PRDM16: variants seen among roughly 807,000 people sequenced by gnomAD.
The protein encoded by PRDM16 is PR/SET domain 16.
Under a neutral mutation model 110.6 loss-of-function variants are expected in PRDM16, and 23 were observed. The ratio of observed to expected loss-of-function variants is 0.21; its 90% CI spans 0.15 to 0.29. PRDM16 has a LOEUF of 0.29. Among genes scored for constraint, PRDM16 ranks in the 10% least tolerant of loss-of-function variants. The pLI, the probability that PRDM16 is intolerant of heterozygous loss-of-function variation, is 1.00. For synonymous variants in PRDM16, 799 were observed against 781.8 expected (o/e 1.02, Z -0.37); for missense variants, 1,615 against 1,794.3 (o/e 0.90, Z 1.81).
intron 8 of PRDM16, among the ~76,000 whole-genome samples, chr1:3,406,728 G>A (rs1348935363): frequency 6.6e-6 from 1 of 152,142 alleles, no homozygotes; most frequent in Non-Finnish European, 1.5e-5. Context: ...GGGCAACAGA[G>A]CAAGACTCTG....
chr1:3,195,188 T>C (rs1373097501), intron 2 of PRDM16, among the ~76,000 whole-genome samples: 5 of 152,282 alleles, frequency 3.3e-5, no homozygotes, highest in Admixed American at 6.5e-5. Flanking sequence ...GAGAAACCCA[T>C]GGGCCTCGGC....
Position 3,165,458 on chromosome 1 carries a change from GACTCACCTGGGCTCAGGGACAGT to G in PRDM16, c.38-20666_38-20644del, listed in dbSNP as rs1406290187. On this transcript the variant is annotated intron_variant, in intron 1 of 16. Transcript: ENST00000270722. ...TGACTCACCTGGGCTCAGGGACAGT[GACTCACCTGGGCTCAGGGACAGT>G]GACTCACCTGGGCTCAGGGACAGGG... is the stretch of plus-strand genomic sequence containing the variant. 2.0e-3 allele frequency among the ~76,000 whole-genome samples: 208 copies of G among 103,724 alleles called. 46 individuals are homozygous for G. The highest frequency in any genetic ancestry group is 7.5e-3 in the East Asian group (25 of 3,314). 68.0% of individuals were successfully genotyped at this position (103,724 alleles called of 152,430 possible). A position where few individuals can be genotyped will look rare whatever the true frequency, so the allele number is the denominator to read the frequency against.
chr1:3,285,623 T>C (rs1285970971), intron 3 of PRDM16, among the ~76,000 whole-genome samples: 2 of 152,200 alleles, frequency 1.3e-5, no homozygotes, highest in Admixed American at 1.3e-4. Context: ...GCCGTGGTCA[T>C]AGCCAGCCTG....
intron 2 of PRDM16, among the ~76,000 whole-genome samples, chr1:3,191,989 T>G (rs1638323924): frequency 6.6e-6 from 1 of 152,172 alleles, no homozygotes; most frequent in Non-Finnish European, 1.5e-5. Flanking sequence ...ATGGCAAATT[T>G]ACTCCAGGGT....
intron 1 of PRDM16, among the ~76,000 whole-genome samples, chr1:3,094,697 A>G (rs1289669695): frequency 6.6e-6 from 1 of 152,252 alleles, no homozygotes; most frequent in Non-Finnish European, 1.5e-5. Context: ...ACACGCAGAC[A>G]TTCTGTGAGC....
At chr1:3,124,248 G>A (rs1643157555) in intron 1 of PRDM16, among the ~76,000 whole-genome samples, 1 of 152,184 alleles carries the variant, frequency 6.6e-6, no homozygotes, top group African/African-American at 2.4e-5. Context: ...GCCGGCAGTG[G>A]GGACAAGACT....
At chr1:3,076,325 C>T (rs1252858018) in intron 1 of PRDM16, among the ~76,000 whole-genome samples, 6 of 152,158 alleles carry the variant, frequency 3.9e-5, no homozygotes, top group African/African-American at 7.2e-5. Flanking sequence ...GCTCCCTGTC[C>T]GGCTGGTGGG....
At chr1:3,410,082 A>G (rs1250218128) in intron 8 of PRDM16, among the ~76,000 whole-genome samples, 2 of 109,418 alleles carry the variant, frequency 1.8e-5, no homozygotes, top group Non-Finnish European at 3.7e-5. Flanking sequence ...GTGCATGTGT[A>G]TGAATGTGTG....
chr1:3,202,553 C>T (rs369239990), intron 2 of PRDM16, among the ~76,000 whole-genome samples: 1 of 152,290 alleles, frequency 6.6e-6, no homozygotes, highest in Non-Finnish European at 1.5e-5. Flanking sequence ...TCTCTGGCTG[C>T]GCTGCCCATG....
chr1:3,272,929 T>C (rs796279432), intron 3 of PRDM16, among the ~76,000 whole-genome samples: 7 of 152,358 alleles, frequency 4.6e-5, no homozygotes, highest in African/African-American at 1.7e-4. Context: ...CGGACCACTC[T>C]GAGTCTCGAG....
At chr1:3,426,719 A>G (rs1638618187) in intron 14 of PRDM16, among the ~76,000 whole-genome samples, 1 of 152,190 alleles carries the variant, frequency 6.6e-6, no homozygotes, top group East Asian at 1.9e-4. Context: ...ACAGAGATGC[A>G]CGTTTGTATA....
intron 3 of PRDM16, among the ~76,000 whole-genome samples, chr1:3,272,012 G>C (rs111394983): frequency 5.9e-5 from 9 of 152,356 alleles, no homozygotes; most frequent in African/African-American, 2.2e-4. Flanking sequence ...CCTGTCAGCT[G>C]TCTACCAGGG....
intron 3 of PRDM16, among the ~76,000 whole-genome samples, chr1:3,257,185 T>C (rs1569939125): frequency 6.6e-6 from 1 of 152,220 alleles, no homozygotes; most frequent in Admixed American, 6.5e-5. Context: ...TTGGTTGGAT[T>C]CTAAAATCCT....
At chr1:3,140,293 C>T (rs1297944045) in intron 1 of PRDM16, among the ~76,000 whole-genome samples, 1 of 152,198 alleles carries the variant, frequency 6.6e-6, no homozygotes, top group African/African-American at 2.4e-5. Context: ...AGCCCAGGGA[C>T]AGCATCAATT....
At chr1:3,161,685 C>CA (rs1197607170) in intron 1 of PRDM16, among the ~76,000 whole-genome samples, 4 of 152,232 alleles carry the variant, frequency 2.6e-5, no homozygotes, top group Non-Finnish European at 4.4e-5. Context: ...GCTCCAGCCC[C>CA]AGCAGGCCCG....
Position 3,069,924 on chromosome 1 carries a change from G to A in PRDM16, c.37+628G>A, listed in dbSNP as rs1641706799. Among the ~76,000 whole-genome samples, 1 of 151,932 alleles carries A rather than the reference G, an allele frequency of 6.6e-6. No individual in the cohort carries two copies. Among genetic ancestry groups the A allele is most frequent in the South Asian group, 2.1e-4 (1 of 4,832 alleles). Reference sequence around the variant, plus strand: ...GGGTGGCGACGGCGGGACAGCCGCAGCCACTTGGGGAGCAAAATGGAGACT... The same window carrying A: ...GGGTGGCGACGGCGGGACAGCCGCAACCACTTGGGGAGCAAAATGGAGACT... On this transcript the variant is annotated intron_variant, in intron 1 of 16. Transcript: ENST00000270722. The surrounding 1 kb of genome is among the most constrained non-coding windows in gnomAD (Gnocchi z 6.1).
At chr1:3,401,724 A>G (rs946405842) in intron 5 of PRDM16, among the ~76,000 whole-genome samples, 1 of 152,240 alleles carries the variant, frequency 6.6e-6, no homozygotes, top group Admixed American at 6.5e-5. Flanking sequence ...ATATGCACGT[A>G]TGCATACATA....
At chr1:3,184,654 A>G (rs909989123) in intron 1 of PRDM16, among the ~76,000 whole-genome samples, 1 of 151,582 alleles carries the variant, frequency 6.6e-6, no homozygotes, top group Non-Finnish European at 1.5e-5. Flanking sequence ...CAGTGCGACC[A>G]CCCCCTCTCT....
chr1:3,270,152 G>A (rs1205624369), intron 3 of PRDM16, among the ~76,000 whole-genome samples: 2 of 148,698 alleles, frequency 1.3e-5, no homozygotes, highest in Non-Finnish European at 3.0e-5. Flanking sequence ...TCCCGGAGGA[G>A]GACAGTCGGG....
Sources: gnomAD v4.1 joint callset for allele counts (sites outside exome capture counted in the v4.1 genomes callset) on GRCh38, gnomAD v4.1.1 for gene constraint, Gnocchi (gnomAD v3.1) non-coding constraint, MANE v1.5 for transcripts, NCBI Gene and HGNC (gene_info 2026-07-23, HGNC 2026-07-21) for gene names.